SNX29: variants seen among roughly 807,000 people sequenced by gnomAD.
SNX29 encodes sorting nexin 29.
In SNX29, 78 loss-of-function variants were observed where a neutral mutation model predicts 102.1. The ratio of observed to expected loss-of-function variants is 0.76; its 90% CI spans 0.64 to 0.92. The LOEUF (loss-of-function observed/expected upper bound fraction) is 0.92. SNX29 is among the 40% of genes least tolerant of loss of function. The pLI, the probability that SNX29 is intolerant of heterozygous loss-of-function variation, is 0.00. For synonymous variants in SNX29, 580 were observed against 414.5 expected (o/e 1.40, Z -4.85); for missense variants, 1,280 against 1,061.7 (o/e 1.21, Z -2.86).
rs866760486 is a variant in SNX29 at position 12,572,619 on chromosome 16, C to T, written c.*3990C>T. ...TGAGCCCCCTCCCCTCCGGCTACCC[C>T]CAGAATCCATCCTTCATTCCTCCAC... On this transcript the variant is annotated 3_prime_UTR_variant, in exon 21 of 21. Coordinates refer to ENST00000566228, the MANE Select transcript of SNX29 (RefSeq NM_032167.5). 1.3e-4 allele frequency: 136 copies of T among 1,063,888 alleles called. 1 individual carries two copies. The African/African-American group carries it at 1.8e-3, about 14-fold the overall frequency. 65.9% of individuals were successfully genotyped at this position (1,063,888 alleles called of 1,614,324 possible).
intron 14 of SNX29, among the ~76,000 whole-genome samples, chr16:12,250,414 T>C (rs913396262): frequency 6.6e-6 from 1 of 152,120 alleles, no homozygotes; most frequent in Admixed American, 6.5e-5. Context: ...TTCGGCCTCA[T>C]GTTGCAATGG....
intron 1 of SNX29, among the ~76,000 whole-genome samples, chr16:11,981,233 G>A (rs1189458489): frequency 2.6e-5 from 4 of 152,056 alleles, no homozygotes; most frequent in Non-Finnish European, 4.4e-5. Flanking sequence ...GCCTCCCAAA[G>A]TGCTGGGATT....
chr16:12,171,282 C>T (rs1176817420), intron 13 of SNX29, among the ~76,000 whole-genome samples: 1 of 152,064 alleles, frequency 6.6e-6, no homozygotes, highest in Non-Finnish European at 1.5e-5. Flanking sequence ...GGTCTGGGGT[C>T]TGCCGTTGCA....
chr16:12,034,044 C>T (rs1192512011), intron 4 of SNX29, among the ~76,000 whole-genome samples: 3 of 152,146 alleles, frequency 2.0e-5, no homozygotes, highest in East Asian at 1.9e-4. Flanking sequence ...GTGGTCTGTA[C>T]GCATCTTCAG....
chr16:12,311,878 A>G (rs1266343369), intron 15 of SNX29, among the ~76,000 whole-genome samples: 1 of 152,214 alleles, frequency 6.6e-6, no homozygotes, highest in Admixed American at 6.5e-5. Flanking sequence ...TAAATAAGAT[A>G]GAGTTATCTC....
chr16:12,118,702 T>C (rs1281154030), intron 11 of SNX29, among the ~76,000 whole-genome samples: 2 of 152,186 alleles, frequency 1.3e-5, no homozygotes, highest in African/African-American at 2.4e-5. Flanking sequence ...GACCCTCACC[T>C]GAGTTACTGC....
chr16:12,039,117 T>C (rs1177984229), intron 4 of SNX29, among the ~76,000 whole-genome samples: 1 of 152,214 alleles, frequency 6.6e-6, no homozygotes, highest in Non-Finnish European at 1.5e-5. Flanking sequence ...CAAATACTTA[T>C]GCACACTCAT....
intron 18 of SNX29, among the ~76,000 whole-genome samples, chr16:12,461,970 AAAAAAAAAATATATATATAT>A (rs1196295188): frequency 4.4e-5 from 3 of 68,456 alleles, no homozygotes; most frequent in African/African-American, 2.2e-4. Context: ...AAAAAAAAAA[AAAAAAAAAATATATATATAT>A]ATATATATAT....
intron 18 of SNX29, 23 bp from the exon 19 acceptor site, chr16:12,477,696 T>G: frequency 6.2e-7 from 1 of 1,603,920 alleles, no homozygotes; most frequent in Non-Finnish European, 8.5e-7. Flanking sequence ...TAAGAGGAAT[T>G]CACATTTTCT....
chr16:12,503,348 G>A (rs114573888), intron 19 of SNX29, among the ~76,000 whole-genome samples: 1 of 152,346 alleles, frequency 6.6e-6, no homozygotes, highest in East Asian at 1.9e-4. Flanking sequence ...TGCAGTCTAG[G>A]TGGGGAAAGT....
chr16:12,233,628 T>C (rs1027108708), intron 14 of SNX29, among the ~76,000 whole-genome samples: 1 of 152,238 alleles, frequency 6.6e-6, no homozygotes, highest in Non-Finnish European at 1.5e-5. Context: ...TATTGAGATA[T>C]AATTCACATG....
chr16:12,461,969 AAAAAAAAAAATATATATAT>A (rs1567587622), intron 18 of SNX29, among the ~76,000 whole-genome samples: 2 of 75,238 alleles, frequency 2.7e-5, no homozygotes, highest in African/African-American at 1.4e-4. Flanking sequence ...AAAAAAAAAA[AAAAAAAAAAATATATATAT>A]ATATATATAT....
In SNX29 at chr16:12,571,865, AT is replaced by A; in HGVS notation, c.*3240del. ...GCTCCAATCACGTTGCTGGCAAGGC[AT>A]TTTAGAGTTTGGAGCTGAGGTTCAA... On this transcript the variant is annotated 3_prime_UTR_variant, in exon 21 of 21. Transcript: ENST00000566228. The A allele has an allele frequency of 9.4e-7, 1 of 1,061,580 alleles. No individual in the cohort carries two copies. Among genetic ancestry groups the A allele is most frequent in the Non-Finnish European group, 1.1e-6 (1 of 876,884 alleles). 65.8% of individuals were successfully genotyped at this position (1,061,580 alleles called of 1,614,324 possible). A position where few individuals can be genotyped will look rare whatever the true frequency, so the allele number is the denominator to read the frequency against.
In SNX29 at chr16:12,511,538, G is replaced by C. The variant is rs183857158; in HGVS notation, c.2179-13164G>C. Among the ~76,000 whole-genome samples, 128 of 152,282 alleles carry C rather than the reference G, an allele frequency of 8.4e-4. 1 individual carries two copies. The highest frequency in any genetic ancestry group is 2.1e-3 in the African/African-American group (86 of 41,558). ...AGAGTGTAACTGGGCCTTCAGCTCC[G>C]TGTGGAGCCCTTGTTCCTTTCCTGA... On this transcript the variant is annotated intron_variant, in intron 19 of 20. Transcript: ENST00000566228.
intron 13 of SNX29, among the ~76,000 whole-genome samples, chr16:12,180,640 C>T (rs899611171): frequency 1.3e-5 from 2 of 152,104 alleles, no homozygotes; most frequent in South Asian, 2.1e-4. Flanking sequence ...CCCGCCACCA[C>T]GTCCGGCTAA....
At chr16:12,564,192 G>A (rs9938255) in intron 20 of SNX29, among the ~76,000 whole-genome samples, 40,112 of 151,906 alleles carry the variant, frequency 0.26, 5,883 homozygotes, top group East Asian at 0.45. Context: ...GTTTGAGACC[G>A]TCCTGGGCAC....
intron 15 of SNX29, among the ~76,000 whole-genome samples, chr16:12,350,924 C>G (rs888786613): frequency 7.2e-5 from 11 of 152,320 alleles, no homozygotes; most frequent in African/African-American, 2.6e-4. Flanking sequence ...CGAGTCTAAA[C>G]TATGTCACTT....
At chr16:12,491,680 TC>T (rs1203056662) in intron 19 of SNX29, among the ~76,000 whole-genome samples, 1 of 151,980 alleles carries the variant, frequency 6.6e-6, no homozygotes, top group African/African-American at 2.4e-5. Context: ...CCCTCCCCCT[TC>T]CCCCAACCCC....
chr16:12,500,653 T>C (rs113652024), intron 19 of SNX29, among the ~76,000 whole-genome samples: 151 of 152,366 alleles, frequency 9.9e-4, no homozygotes, highest in African/African-American at 3.4e-3. Flanking sequence ...TCTCAATATC[T>C]TACCACTTAA....
Sources: gnomAD v4.1 joint callset for allele counts (sites outside exome capture counted in the v4.1 genomes callset) on GRCh38, gnomAD v4.1.1 for gene constraint, MANE v1.5 for transcripts, NCBI Gene and HGNC (gene_info 2026-07-23, HGNC 2026-07-21) for gene names.